TSHZ3: variants seen among roughly 807,000 people sequenced by gnomAD.
TSHZ3 encodes teashirt zinc finger homeobox 3.
In TSHZ3, 10 loss-of-function variants were observed where a neutral mutation model predicts 64.5. The observed-to-expected ratio is 0.16, with a 90% confidence interval of 0.10 to 0.26. The LOEUF (loss-of-function observed/expected upper bound fraction) is 0.26, where lower values mean the gene tolerates loss of function less well. Ranked by LOEUF, TSHZ3 falls within the 10% of genes least tolerant of loss-of-function variation. The pLI is 1.00. For missense variants in TSHZ3, 1,242 were observed against 1,421.7 expected (o/e 0.87, Z 2.03); for synonymous variants, 608 against 593.1 (o/e 1.03, Z -0.36).
chr19:31,249,175 C>T (rs142138107), intron 1 of TSHZ3, among the ~76,000 whole-genome samples: 10 of 152,172 alleles, frequency 6.6e-5, no homozygotes, highest in Non-Finnish European at 7.4e-5. Flanking sequence ...GTCAGTGTCC[C>T]GTTGGGTTGC....
chr19:31,172,053 C>G (rs1599559183), intron 5 of TSHZ3, among the ~76,000 whole-genome samples: 1 of 152,182 alleles, frequency 6.6e-6, no homozygotes, highest in African/African-American at 2.4e-5. Context: ...CCAAAACAAC[C>G]ATGACAACTG....
intron 5 of TSHZ3, among the ~76,000 whole-genome samples, chr19:31,185,689 A>G (rs200516475): frequency 3.3e-5 from 5 of 152,204 alleles, no homozygotes; most frequent in East Asian, 1.9e-4. Context: ...TATAATTTGC[A>G]TATAGCAAAA....
At chr19:31,237,512 T>C (rs1051804990) in intron 3 of TSHZ3, among the ~76,000 whole-genome samples, 1 of 152,138 alleles carries the variant, frequency 6.6e-6, no homozygotes, top group African/African-American at 2.4e-5. Context: ...TAATTTGTCT[T>C]CCTAGAGATT....
rs542065243 is a variant in TSHZ3 at position 31,164,716 on chromosome 19, G to A, written n.810-8299C>T. 1.5e-4 allele frequency among the ~76,000 whole-genome samples: 23 copies of A among 152,288 alleles called. No homozygotes were observed. The South Asian group carries it at 4.6e-3, about 30-fold the overall frequency. On this transcript the variant is annotated intron_variant and non_coding_transcript_variant, in intron 5 of 6. Transcript: ENST00000651361. ...AAGATTTTAAGGACGCTGCGTGCAT[G>A]AAGGCTCCTGTTCCAGCAGCTCTCC...
At chr19:31,322,442 A>G (rs1916800585) in intron 1 of TSHZ3, among the ~76,000 whole-genome samples, 1 of 151,446 alleles carries the variant, frequency 6.6e-6, no homozygotes, top group African/African-American at 2.4e-5. Flanking sequence ...TTTTTTAGAG[A>G]CTAGGTCTCA....
rs553978835 is a variant in TSHZ3 at position 31,248,744 on chromosome 19, C to T, written n.64-5869G>A. Reference sequence around the variant, plus strand: ...TGGTCGAGGCTGCAGTAGCCATGATCGCACCACTGCACTCCAGCCTGGAGA... The same window carrying T: ...TGGTCGAGGCTGCAGTAGCCATGATTGCACCACTGCACTCCAGCCTGGAGA... On this transcript the variant is annotated intron_variant and non_coding_transcript_variant, in intron 1 of 6. Coordinates refer to the TSHZ3 transcript ENST00000651361. Among the ~76,000 whole-genome samples the T allele has an allele frequency of 2.5e-4, 37 of 147,128 alleles. 1 individual carries two copies. Among genetic ancestry groups the T allele is most frequent in the East Asian group, 2.0e-3 (10 of 4,982 alleles).
At chr19:31,329,322 C>A (rs1245374040) in intron 1 of TSHZ3, among the ~76,000 whole-genome samples, 1 of 152,192 alleles carries the variant, frequency 6.6e-6, no homozygotes, top group South Asian at 2.1e-4. Flanking sequence ...GAAGGTGTCA[C>A]GCTGCCTTGT....
intron 1 of TSHZ3, among the ~76,000 whole-genome samples, chr19:31,310,458 G>A (rs62102598): frequency 0.05 from 7,624 of 152,166 alleles, 292 homozygotes; most frequent in Non-Finnish European, 0.079. Context: ...CTGCTGCATG[G>A]ATGAATGGAT....
chr19:31,268,466 T>A (rs1976086827), intron 1 of TSHZ3, among the ~76,000 whole-genome samples: 1 of 152,002 alleles, frequency 6.6e-6, no homozygotes, highest in South Asian at 2.1e-4. Context: ...GAGGGTTGGG[T>A]AAGGCTGTCA....
At chr19:31,154,406 AC>A (rs1029786896) in intron 6 of TSHZ3, among the ~76,000 whole-genome samples, 1 of 152,146 alleles carries the variant, frequency 6.6e-6, no homozygotes, top group African/African-American at 2.4e-5. Context: ...TAGATATTAT[AC>A]CCATGTCCAA....
chr19:31,209,629 C>T (rs772999370), intron 4 of TSHZ3, among the ~76,000 whole-genome samples: 8 of 152,112 alleles, frequency 5.3e-5, no homozygotes, highest in Non-Finnish European at 8.8e-5. Flanking sequence ...CGTTGTTAAG[C>T]GTTTGGTCAT....
chr19:31,164,970 C>T (rs894845541), intron 5 of TSHZ3, among the ~76,000 whole-genome samples: 42 of 152,254 alleles, frequency 2.8e-4, no homozygotes, highest in Non-Finnish European at 1.5e-4. Context: ...GCGGCAGCCT[C>T]GGGCCTCAGT....
intron 1 of TSHZ3, among the ~76,000 whole-genome samples, chr19:31,283,036 T>C (rs556140276): frequency 6.6e-6 from 1 of 152,178 alleles, no homozygotes; most frequent in East Asian, 1.9e-4. Flanking sequence ...CCCTCCACAT[T>C]AAAATAAAGG....
At chr19:31,326,823 A>C (rs1301949985) in intron 1 of TSHZ3, among the ~76,000 whole-genome samples, 1 of 152,242 alleles carries the variant, frequency 6.6e-6, no homozygotes, top group Non-Finnish European at 1.5e-5. Flanking sequence ...CCCTTACTGT[A>C]AACATTTGTG....
chr19:31,162,973 G>A (rs139243989), intron 5 of TSHZ3, among the ~76,000 whole-genome samples: 48 of 152,296 alleles, frequency 3.2e-4, no homozygotes, highest in Admixed American at 8.5e-4. Context: ...CAGCCAATAA[G>A]CTAGGTCTCT....
At chr19:31,344,409 C>T (rs1470352117) in intron 1 of TSHZ3, among the ~76,000 whole-genome samples, 7 of 152,230 alleles carry the variant, frequency 4.6e-5, no homozygotes, top group African/African-American at 1.4e-4. Flanking sequence ...AATTGTTTTA[C>T]GACATGACCA....
chr19:31,264,440 A>G (rs113216907), intron 1 of TSHZ3, among the ~76,000 whole-genome samples: 6 of 152,214 alleles, frequency 3.9e-5, no homozygotes, highest in African/African-American at 1.4e-4. Context: ...TGAACGTTCC[A>G]GGCTCCCTTG....
chr19:31,157,647 A>G (rs956594070), intron 5 of TSHZ3, among the ~76,000 whole-genome samples: 1 of 152,260 alleles, frequency 6.6e-6, no homozygotes, highest in African/African-American at 2.4e-5. Context: ...ACACAAACAT[A>G]TATGGCTATA....
intron 5 of TSHZ3, among the ~76,000 whole-genome samples, chr19:31,199,187 C>A (rs1339669276): frequency 2.6e-5 from 4 of 151,930 alleles, no homozygotes; most frequent in Non-Finnish European, 1.5e-5. Flanking sequence ...AGGCGGATCA[C>A]AAGGTCAAAA....
Sources: gnomAD v4.1 joint callset for allele counts (sites outside exome capture counted in the v4.1 genomes callset) on GRCh38, gnomAD v4.1.1 for gene constraint, MANE v1.5 for transcripts, NCBI Gene and HGNC (gene_info 2026-07-23, HGNC 2026-07-21) for gene names.